AUTS2: variants seen among roughly 807,000 people sequenced by gnomAD.
AUTS2 encodes the protein activator of transcription and developmental regulator AUTS2, also known as autism susceptibility gene 2 protein.
Under a neutral mutation model 112.4 loss-of-function variants are expected in AUTS2, and 17 were observed. The observed-to-expected ratio is 0.15, with a 90% confidence interval of 0.10 to 0.23. The LOEUF (loss-of-function observed/expected upper bound fraction) is 0.23. Ranked by LOEUF, AUTS2 falls within the 10% of genes least tolerant of loss-of-function variation. The pLI, the probability that AUTS2 is intolerant of heterozygous loss-of-function variation, is 1.00. For missense variants in AUTS2, 1,510 were observed against 1,701.6 expected (o/e 0.89, Z 1.98); for synonymous variants, 751 against 702.7 (o/e 1.07, Z -1.09).
rs1554421901 is a variant in AUTS2 at position 70,528,103 on chromosome 7, T to TTTTA, written c.690+92325_690+92326insATTT. On this transcript the variant is annotated intron_variant, in intron 5 of 18. Transcript: ENST00000342771. Reference sequence around the variant, plus strand: ...CACTTAAATTTAAGGATTTTTTTTTTTTTTTTTTTTTTTTTTACTGGAGTG... The same window carrying TTTTA: ...CACTTAAATTTAAGGATTTTTTTTTTTTTATTTTTTTTTTTTTTTTACTGGAGTG... Among the ~76,000 whole-genome samples, 18 of 109,680 alleles carry TTTTA rather than the reference T, an allele frequency of 1.6e-4. 1 individual carries two copies. The highest frequency in any genetic ancestry group is 5.7e-4 in the South Asian group (2 of 3,508). 72.0% of individuals were successfully genotyped at this position (109,680 alleles called of 152,430 possible).
In AUTS2 at chr7:69,777,459, G is replaced by A. The variant is rs1788944876; in HGVS notation, c.310-121827G>A. ...TTGCTACCAGGTCCTGGTGGAAGCA[G>A]CTAGAATTTCTTAAGCAGTTCCTGT... On this transcript the variant is annotated intron_variant, in intron 1 of 18. Coordinates refer to ENST00000342771, the MANE Select transcript of AUTS2 (RefSeq NM_015570.4). Among the ~76,000 whole-genome samples, 3 of 152,158 alleles carry A rather than the reference G, an allele frequency of 2.0e-5. No homozygotes were observed. In the South Asian group the frequency reaches 6.2e-4, roughly 32 times the overall value.
intron 2 of AUTS2, among the ~76,000 whole-genome samples, chr7:70,063,183 A>G (rs1438204245): frequency 6.6e-6 from 1 of 152,052 alleles, no homozygotes; most frequent in African/African-American, 2.4e-5. Flanking sequence ...ATTGGATATG[A>G]TCACCAAAAA....
intron 2 of AUTS2, among the ~76,000 whole-genome samples, chr7:70,029,842 T>C (rs187091498): frequency 1.8e-4 from 27 of 152,340 alleles, no homozygotes; most frequent in Middle Eastern, 3.4e-3. Flanking sequence ...ATGAAAAATA[T>C]GTAAATGGTT....
intron 6 of AUTS2, among the ~76,000 whole-genome samples, chr7:70,729,900 A>C (rs1325013666): frequency 6.6e-6 from 1 of 152,050 alleles, no homozygotes. Flanking sequence ...GTATGTATTT[A>C]GAGACGGACT....
intron 5 of AUTS2, among the ~76,000 whole-genome samples, chr7:70,439,313 G>A (rs539168618): frequency 2.8e-4 from 42 of 152,254 alleles, no homozygotes; most frequent in Admixed American, 2.4e-3. Context: ...GCCAAGGCGG[G>A]GAGATGACAA....
intron 5 of AUTS2, among the ~76,000 whole-genome samples, chr7:70,676,318 A>G (rs932698529): frequency 2.6e-5 from 4 of 151,856 alleles, no homozygotes; most frequent in African/African-American, 9.7e-5. Flanking sequence ...TGTAGCCCCA[A>G]CTACTGAGGA....
At chr7:69,945,912 C>T (rs552886434) in intron 2 of AUTS2, among the ~76,000 whole-genome samples, 11 of 152,188 alleles carry the variant, frequency 7.2e-5, no homozygotes, top group South Asian at 4.2e-4. Flanking sequence ...CTGTGGCTCA[C>T]GGCAGCCTTG....
chr7:69,865,385 G>A (rs1793176845), intron 1 of AUTS2, among the ~76,000 whole-genome samples: 1 of 152,094 alleles, frequency 6.6e-6, no homozygotes, highest in Admixed American at 6.5e-5. Context: ...TTAAAATTTG[G>A]TAGTCTCTGT....
chr7:70,422,645 G>A (rs55836849), intron 4 of AUTS2, among the ~76,000 whole-genome samples: 2,277 of 152,206 alleles, frequency 0.015, 24 homozygotes, highest in Middle Eastern at 0.044. Flanking sequence ...AGGCATGGTG[G>A]CGCATACCTA....
In AUTS2 at chr7:70,087,372, C is replaced by CT. The variant is rs571292584; in HGVS notation, c.523-30746dup. ...TTAATTAGCCTGTCATTTTCTTTTTCTTTTTTTTTTTTTTGAGACAGAGTC... is the reference window on the plus strand; with the variant it reads ...TTAATTAGCCTGTCATTTTCTTTTTCTTTTTTTTTTTTTTTGAGACAGAGTC... On this transcript the variant is annotated intron_variant, in intron 2 of 18. Transcript: ENST00000342771. 6.4e-3 allele frequency among the ~76,000 whole-genome samples: 882 copies of CT among 137,634 alleles called. 2 individuals are homozygous for CT. Among genetic ancestry groups the CT allele is most frequent in the Middle Eastern group, 0.011 (3 of 274 alleles). 90.3% of individuals were successfully genotyped at this position (137,634 alleles called of 152,430 possible).
chr7:69,739,703 A>G (rs1411100211), intron 1 of AUTS2, among the ~76,000 whole-genome samples: 1 of 152,220 alleles, frequency 6.6e-6, no homozygotes, highest in Non-Finnish European at 1.5e-5. Context: ...ATGTCAATAC[A>G]GTTGAAAATA....
At chr7:70,576,287 G>A (rs894842581) in intron 5 of AUTS2, among the ~76,000 whole-genome samples, 1 of 152,112 alleles carries the variant, frequency 6.6e-6, no homozygotes, top group Admixed American at 6.5e-5. Context: ...CCCTAAGAAG[G>A]AAAGGGGTCA....
At chr7:69,894,586 A>T (rs1485037570) in intron 1 of AUTS2, among the ~76,000 whole-genome samples, 1 of 152,122 alleles carries the variant, frequency 6.6e-6, no homozygotes. Context: ...AGTTAGTAAG[A>T]TCTGTTGGTA....
intron 2 of AUTS2, among the ~76,000 whole-genome samples, chr7:70,060,722 T>C (rs149656896): frequency 6.6e-6 from 1 of 152,338 alleles, no homozygotes; most frequent in East Asian, 1.9e-4. Context: ...GCATGGAAGG[T>C]GTCTTTGACT....
chr7:69,860,118 GC>G (rs879417909), intron 1 of AUTS2, among the ~76,000 whole-genome samples: 2 of 151,808 alleles, frequency 1.3e-5, no homozygotes, highest in Non-Finnish European at 2.9e-5. Flanking sequence ...GAGCTCTGAT[GC>G]TGATTCAGCT....
intron 1 of AUTS2, among the ~76,000 whole-genome samples, chr7:69,869,870 G>A (rs1028109990): frequency 2.0e-5 from 3 of 152,296 alleles, no homozygotes; most frequent in South Asian, 2.1e-4. Context: ...AGAATGAAGT[G>A]AGCAGCAGGT....
chr7:70,587,521 C>T (rs1490489712), intron 5 of AUTS2, among the ~76,000 whole-genome samples: 2 of 152,224 alleles, frequency 1.3e-5, no homozygotes, highest in African/African-American at 4.8e-5. Context: ...GAGTATTTTA[C>T]ATTGCAGCAT....
intron 6 of AUTS2, among the ~76,000 whole-genome samples, chr7:70,700,737 G>A (rs533744134): frequency 6.6e-6 from 1 of 152,310 alleles, no homozygotes; most frequent in Non-Finnish European, 1.5e-5. Context: ...TTCAGGACAG[G>A]TGCAGAGTCT....
chr7:69,936,073 G>A (rs1335175095), intron 2 of AUTS2, among the ~76,000 whole-genome samples: 1 of 152,198 alleles, frequency 6.6e-6, no homozygotes, highest in Admixed American at 6.5e-5. Flanking sequence ...AAGACCACAG[G>A]TTGGAAATTC....
Sources: allele counts gnomAD v4.1 joint callset (sites outside exome capture counted in the v4.1 genomes callset), GRCh38; gene constraint gnomAD v4.1.1; transcripts MANE v1.5; gene names NCBI Gene and HGNC (gene_info 2026-07-23, HGNC 2026-07-21).